Variants in GABBR2 observed in about 807,000 individuals in gnomAD.
The protein encoded by GABBR2 is G-protein coupled receptor 51.
Under a neutral mutation model 105.6 loss-of-function variants are expected in GABBR2, and 23 were observed. That is an observed-to-expected ratio of 0.22 (90% confidence interval 0.16 to 0.31). GABBR2 has a LOEUF of 0.31. Among genes scored for constraint, GABBR2 ranks in the 10% least tolerant of loss-of-function variants. The pLI is 1.00. For synonymous variants in GABBR2, 478 were observed against 499.7 expected (o/e 0.96, Z 0.58); for missense variants, 734 against 1,245.5 (o/e 0.59, Z 6.18).
chr9:98,576,333 G>T (rs999191296), intron 2 of GABBR2, among the ~76,000 whole-genome samples: 2 of 152,140 alleles, frequency 1.3e-5, no homozygotes, highest in African/African-American at 4.8e-5. Context: ...ATCACAAGCT[G>T]CCTTCCTCCG....
chr9:98,681,976 C>T (rs941185164), intron 1 of GABBR2, among the ~76,000 whole-genome samples: 2 of 152,120 alleles, frequency 1.3e-5, no homozygotes, highest in Non-Finnish European at 2.9e-5. Flanking sequence ...AATCCCAGCA[C>T]TTTGTAATCC....
intron 4 of GABBR2, among the ~76,000 whole-genome samples, chr9:98,487,188 TG>T (rs1223434663): frequency 2.0e-5 from 3 of 152,244 alleles, no homozygotes. Flanking sequence ...TGAGCAAACC[TG>T]GCCTGTGAGA....
intron 1 of GABBR2, among the ~76,000 whole-genome samples, chr9:98,619,197 AAAG>A (rs1829634369): frequency 6.6e-6 from 1 of 152,136 alleles, no homozygotes; most frequent in African/African-American, 2.4e-5. Context: ...GACAAACCCA[AAAG>A]AAGGTAATAA....
At chr9:98,334,022 A>C (rs1315722749) in intron 13 of GABBR2, among the ~76,000 whole-genome samples, 1 of 152,230 alleles carries the variant, frequency 6.6e-6, no homozygotes, top group African/African-American at 2.4e-5. Context: ...CATAGCATGC[A>C]CTCAAGAAAA....
chr9:98,531,715 G>T (rs548704285), intron 3 of GABBR2, among the ~76,000 whole-genome samples: 17 of 152,336 alleles, frequency 1.1e-4, no homozygotes, highest in Admixed American at 1.0e-3. Context: ...TGAACCCCAG[G>T]ATCTGTCCCT....
chr9:98,628,592 T>C (rs866537559), intron 1 of GABBR2, among the ~76,000 whole-genome samples: 6 of 152,186 alleles, frequency 3.9e-5, no homozygotes, highest in Non-Finnish European at 7.3e-5. Flanking sequence ...GCTTTTCTAT[T>C]AGCTACGCTG....
At chr9:98,692,161 G>C (rs1364679813) in intron 1 of GABBR2, among the ~76,000 whole-genome samples, 1 of 152,280 alleles carries the variant, frequency 6.6e-6, no homozygotes, top group South Asian at 2.1e-4. Context: ...TCACTTGCTT[G>C]CATGTGAGTG....
intron 1 of GABBR2, among the ~76,000 whole-genome samples, chr9:98,656,108 G>A (rs1830179855): frequency 6.6e-6 from 1 of 152,186 alleles, no homozygotes; most frequent in South Asian, 2.1e-4. Flanking sequence ...ACAGAGAGGA[G>A]GTCAAAGTGG....
chr9:98,452,937 C>T (rs1826257307), intron 7 of GABBR2, among the ~76,000 whole-genome samples: 1 of 152,192 alleles, frequency 6.6e-6, no homozygotes, highest in East Asian at 1.9e-4. Context: ...GGATTTGAAC[C>T]TGATTTTGGG....
At chr9:98,465,982 G>A (rs1425999795) in intron 6 of GABBR2, among the ~76,000 whole-genome samples, 1 of 152,176 alleles carries the variant, frequency 6.6e-6, no homozygotes, top group East Asian at 1.9e-4. Flanking sequence ...TCATGCTAGT[G>A]AGTGCGTTCT....
intron 7 of GABBR2, among the ~76,000 whole-genome samples, chr9:98,436,386 T>TACACACACACACC (rs1825923554): frequency 2.4e-5 from 1 of 42,110 alleles, no homozygotes; most frequent in South Asian, 1.1e-3. Flanking sequence ...TATATATATA[T>TACACACACACACC]ATATATATAT....
intron 1 of GABBR2, among the ~76,000 whole-genome samples, chr9:98,627,979 G>A (rs1829767986): frequency 1.3e-5 from 2 of 152,218 alleles, no homozygotes; most frequent in South Asian, 4.1e-4. Flanking sequence ...GAAAAAAACA[G>A]TTTCAAGACT....
chr9:98,708,801 C>T lies in GABBR2; in HGVS notation c.-64G>A. 1 of 956,538 alleles carries T rather than the reference C, an allele frequency of 1.0e-6. No homozygotes were observed. The highest frequency in any genetic ancestry group is 1.2e-6 in the Non-Finnish European group (1 of 805,750). 59.3% of individuals were successfully genotyped at this position (956,538 alleles called of 1,614,324 possible). A position where few individuals can be genotyped will look rare whatever the true frequency, so the allele number is the denominator to read the frequency against. On this transcript the variant is annotated 5_prime_UTR_variant, in exon 1 of 19. Transcript: ENST00000259455. ...GCATGGCCTGGCCCGGCCCGCCGCCCCGCGCCAAGGTCTTCCCGCGGCGCC... is the reference window on the plus strand; with the variant it reads ...GCATGGCCTGGCCCGGCCCGCCGCCTCGCGCCAAGGTCTTCCCGCGGCGCC...
chr9:98,325,832 C>CA (rs2131382267), intron 13 of GABBR2, among the ~76,000 whole-genome samples: 1 of 152,288 alleles, frequency 6.6e-6, no homozygotes, highest in African/African-American at 2.4e-5. Context: ...TAGTCACACA[C>CA]ACACATGCAC....
intron 9 of GABBR2, among the ~76,000 whole-genome samples, chr9:98,390,192 T>C (rs1832153690): frequency 6.6e-6 from 1 of 152,008 alleles, no homozygotes; most frequent in African/African-American, 2.4e-5. Flanking sequence ...CTGGCCAACA[T>C]GGGGAAACCC....
chr9:98,292,877 C>T (rs1179206550), intron 18 of GABBR2, among the ~76,000 whole-genome samples: 2 of 152,182 alleles, frequency 1.3e-5, no homozygotes, highest in Non-Finnish European at 2.9e-5. Context: ...ATGAAGGACT[C>T]ATAACTTACT....
intron 7 of GABBR2, among the ~76,000 whole-genome samples, chr9:98,443,931 A>C (rs1207567750): frequency 6.6e-6 from 1 of 152,208 alleles, no homozygotes; most frequent in Non-Finnish European, 1.5e-5. Context: ...TACTACTCCT[A>C]CCTGGCCCTG....
intron 1 of GABBR2, among the ~76,000 whole-genome samples, chr9:98,587,632 C>A (rs979822562): frequency 6.6e-6 from 1 of 152,164 alleles, no homozygotes; most frequent in African/African-American, 2.4e-5. Flanking sequence ...ATGCAGGAGG[C>A]AGAAGAGGGA....
At chr9:98,317,227 G>A (rs1169998155) in intron 13 of GABBR2, among the ~76,000 whole-genome samples, 2 of 152,190 alleles carry the variant, frequency 1.3e-5, no homozygotes, top group Non-Finnish European at 2.9e-5. Flanking sequence ...GGTTTGGGAC[G>A]GCCAGAAGAT....
Sources: allele counts gnomAD v4.1 joint callset (sites outside exome capture counted in the v4.1 genomes callset), GRCh38; gene constraint gnomAD v4.1.1; transcripts MANE v1.5; gene names NCBI Gene and HGNC (gene_info 2026-07-23, HGNC 2026-07-21).